ATM: variants seen among roughly 807,000 people sequenced by gnomAD.
ATM encodes ATM serine/threonine kinase.
Under a neutral mutation model 387.0 loss-of-function variants are expected in ATM, and 308 were observed. The ratio of observed to expected loss-of-function variants is 0.80; its 90% CI spans 0.73 to 0.87. ATM has a LOEUF of 0.87. Among genes scored for constraint, ATM ranks in the 40% least tolerant of loss-of-function variants. The probability of loss-of-function intolerance (pLI) is 0.00; values close to 1 mark genes in which losing one functional copy is unlikely to be tolerated. For missense variants in ATM, 3,312 were observed against 3,560.9 expected (o/e 0.93, Z 1.78); for synonymous variants, 1,156 against 1,187.3 (o/e 0.97, Z 0.54).
At chr11:108,231,335 G>A (rs76300558) in intron 4 of ATM, among the ~76,000 whole-genome samples, 3,174 of 152,256 alleles carry the variant, frequency 0.021, 120 homozygotes, top group African/African-American at 0.071. Flanking sequence ...AGGCAGAAGT[G>A]TGTGTTCAGG....
chr11:108,354,702 G>A (rs938563763), intron 60 of ATM, 109 bp from the exon 61 acceptor site: 16 of 989,886 alleles, frequency 1.6e-5, no homozygotes, highest in Non-Finnish European at 2.3e-5. Context: ...CAGATATGTA[G>A]ATTATTAAGC....
chr11:108,283,345 T>A (rs1294404430), intron 25 of ATM, among the ~76,000 whole-genome samples: 1 of 152,238 alleles, frequency 6.6e-6, no homozygotes, highest in Non-Finnish European at 1.5e-5. Flanking sequence ...ATGTAAAACT[T>A]TATTTTGCTA....
At chr11:108,247,219 C>A in intron 8 of ATM, 92 bp downstream of exon 8, 1 of 1,261,204 alleles carries the variant, frequency 7.9e-7, no homozygotes, top group Non-Finnish European at 1.1e-6. Flanking sequence ...TGTGTTCTCA[C>A]AAAAAGCCTA....
At chr11:108,353,289 T>C (rs192836049) in intron 59 of ATM, among the ~76,000 whole-genome samples, 54 of 152,062 alleles carry the variant, frequency 3.6e-4, no homozygotes, top group African/African-American at 1.2e-3. Flanking sequence ...ACTGGGATTA[T>C]AGGCACCTGC....
chr11:108,339,158 GA>G (rs1223627868), intron 56 of ATM, among the ~76,000 whole-genome samples: 5 of 152,162 alleles, frequency 3.3e-5, no homozygotes, highest in African/African-American at 1.2e-4. Flanking sequence ...ACATTAACCA[GA>G]ATTAGGGTGG....
In ATM at chr11:108,365,583, ATACTT is replaced by A. The variant is rs2091269218; in HGVS notation, c.*78_*82del. 7.3e-6 allele frequency: 11 copies of A among 1,501,794 alleles called. No individual in the cohort carries two copies. The highest frequency in any genetic ancestry group is 1.0e-5 in the Non-Finnish European group (11 of 1,102,174). 93.0% of individuals were successfully genotyped at this position (1,501,794 alleles called of 1,614,324 possible). On this transcript the variant is annotated 3_prime_UTR_variant, in exon 63 of 63. Transcript: ENST00000675843. Reference sequence around the variant, plus strand: ...TAGCCTTTATTTTTAACCTGCCAACATACTTTAAGTAGGGATTAATATTTAAGTGA... The same window carrying A: ...TAGCCTTTATTTTTAACCTGCCAACATAAGTAGGGATTAATATTTAAGTGA...
At position 108,289,599 on chromosome 11, in the gene ATM, T is replaced by C. The variant is rs1249534310; in HGVS notation, c.4237-3T>C. ...GTTTTTACTAAATCTGTTTATTTTC[T>C]AGGATTCCTATCAGAAAATTCTTCT... On this transcript the variant is annotated splice_region_variant and splice_polypyrimidine_tract_variant and intron_variant, in intron 28 of 62. Transcript: ENST00000675843. 6.2e-7 allele frequency: 1 copy of C among 1,601,644 alleles called. No individual in the cohort carries two copies. Among genetic ancestry groups the C allele is most frequent in the East Asian group, 2.2e-5 (1 of 44,676 alleles).
chr11:108,337,011 A>G (rs1030222552), intron 56 of ATM, among the ~76,000 whole-genome samples: 8 of 152,272 alleles, frequency 5.3e-5, no homozygotes, highest in Non-Finnish European at 7.4e-5. Context: ...GCTTTTTTAT[A>G]TATTTCTAGT....
At chr11:108,306,989 CCATGATTTAGCA>C (rs942711839) in intron 37 of ATM, among the ~76,000 whole-genome samples, 37 of 152,252 alleles carry the variant, frequency 2.4e-4, no homozygotes, top group African/African-American at 7.9e-4. Flanking sequence ...CTTTCTAGCT[CCATGATTTAGCA>C]CAGTTGAAAT....
rs774993357 is a variant in ATM, at chr11:108,316,029, C to G, written c.6114C>G (p.His2038Gln). 1.2e-6 allele frequency: 2 copies of G among 1,613,978 alleles called. No individual in the cohort carries two copies. The highest frequency in any genetic ancestry group is 1.7e-6 in the Non-Finnish European group (2 of 1,179,990). The change falls in exon 42 of 63, where the codon CAC (histidine) becomes CAG (glutamine). Residue 2038 changes from histidine (H) to glutamine (Q), a missense_variant. Physicochemically the swap from His to Gln is conservative, Grantham distance 24. Around this residue, in one of 4 missense-constraint regions of ATM, gnomAD observed 1,405 missense variants for 1,604.4 expected, o/e 0.88. Coordinates refer to ENST00000675843, the MANE Select transcript of ATM (RefSeq NM_000051.4). ...CTTATAGACTACGAACATATGAACA[C>G]GAAGCAATGTGGGGCAAAGCCCTAG... The part of the protein sequence containing the change: ...QPITRLRTYE[H>Q]EAMWGKALVT...
chr11:108,229,526 TG>T (rs1250019747), intron 4 of ATM: 12 of 521,290 alleles, frequency 2.3e-5, no homozygotes, highest in African/African-American at 2.1e-4. Flanking sequence ...AGTGAAGCAG[TG>T]GGAGTTTAGA....
intron 5 of ATM, among the ~76,000 whole-genome samples, chr11:108,236,776 C>G (rs575323709): frequency 6.6e-6 from 1 of 152,162 alleles, no homozygotes; most frequent in East Asian, 1.9e-4. Context: ...GGTGTTGTTT[C>G]CTGTTTATAG....
At chr11:108,308,582 C>T (rs1271576911) in intron 38 of ATM, 1 of 194,110 alleles carries the variant, frequency 5.2e-6, no homozygotes, top group Non-Finnish European at 1.1e-5. Context: ...ATGAGTACTG[C>T]TTGAGAGTTG....
chr11:108,365,020 G>A (rs1410191940), intron 61 of ATM, 62 bp from the exon 62 acceptor site: 3 of 1,578,138 alleles, frequency 1.9e-6, no homozygotes, highest in African/African-American at 2.7e-5. Context: ...TGGTTCTACT[G>A]TTTCTAAGTA....
Position 108,294,918 on chromosome 11 carries a change from C to T in ATM, c.4777-9C>T, listed in dbSNP as rs1214975942. 1 of 1,613,360 alleles carries T rather than the reference C, an allele frequency of 6.2e-7. No homozygotes were observed. The highest frequency in any genetic ancestry group is 1.7e-5 in the Admixed American group (1 of 60,010). ...ACGTGTTAAAAGCAAGTTACATTTT[C>T]TCTTTTAGGAAATTAACCATTTTCT... On this transcript the variant is annotated splice_polypyrimidine_tract_variant and intron_variant, in intron 31 of 62. Transcript: ENST00000675843.
rs2135662400 is a variant in ATM at position 108,280,885 on chromosome 11, T to A, written c.3403-110T>A. 1.5e-5 allele frequency: 15 copies of A among 974,784 alleles called. No individual in the cohort carries two copies. In the South Asian group the frequency reaches 2.2e-4, roughly 15 times the overall value. The allele number at this position is 974,784 out of a possible 1,614,324, so 60.4% of individuals were successfully genotyped here. A position where few individuals can be genotyped will look rare whatever the true frequency, so the allele number is the denominator to read the frequency against. On this transcript the variant is annotated intron_variant, in intron 23 of 62. Transcript: ENST00000675843. ...AACTAGGATTAGTGAGTAGGAGGTT[T>A]CTGAAATGTGTATAGCTTGTCAAAA...
chr11:108,317,218 C>A (rs923296080), intron 42 of ATM, among the ~76,000 whole-genome samples, 155 bp from the exon 43 acceptor site: 1 of 152,064 alleles, frequency 6.6e-6, no homozygotes, highest in African/African-American at 2.4e-5. Context: ...AGATTACAGG[C>A]ATGAGCCACC....
Position 108,257,537 on chromosome 11 carries a change from G to A in ATM, c.2307G>A (p.Glu769=), listed in dbSNP as rs1233133144. 6.2e-7 allele frequency: 1 copy of A among 1,613,980 alleles called. No homozygotes were observed. Among genetic ancestry groups the A allele is most frequent in the South Asian group, 1.1e-5 (1 of 91,088 alleles). The change falls in exon 15 of 63, where the codon GAG becomes GAA. Residue 769 remains glutamate, a synonymous_variant. Transcript: ENST00000675843. ...SITLFKNKTN[E]EFRIGSLRNM... ...CTCTGTTTAAAAATAAGACAAATGA[G>A]GAATTCAGAATTGGTTCCTTGAGAA...
chr11:108,320,444 A>G (rs1218597074), intron 44 of ATM, among the ~76,000 whole-genome samples: 1 of 152,244 alleles, frequency 6.6e-6, no homozygotes, highest in African/African-American at 2.4e-5. Flanking sequence ...GCATGAGGAA[A>G]TAATTATAAT....
Sources: allele counts gnomAD v4.1 joint callset (sites outside exome capture counted in the v4.1 genomes callset), GRCh38; gene constraint gnomAD v4.1.1; regional missense constraint gnomAD v4.1.1; transcripts MANE v1.5; gene names NCBI Gene and HGNC (gene_info 2026-07-23, HGNC 2026-07-21).